The following DTNA variants were observed in gnomAD, a reference collection of about 807,000 sequenced individuals.
The protein encoded by DTNA is dystrobrevin alpha, also known as dystrophin-related protein 3.
In DTNA, 43 loss-of-function variants were observed where a neutral mutation model predicts 100.7. The observed-to-expected ratio is 0.43, with a 90% CI of 0.33 to 0.55. The LOEUF is 0.55. DTNA is among the 20% of genes least tolerant of loss of function. The probability of loss-of-function intolerance (pLI) is 0.04; values close to 1 mark genes in which losing one functional copy is unlikely to be tolerated. For synonymous variants in DTNA, 349 were observed against 347.9 expected, an observed-to-expected ratio of 1.00 and a Z score of -0.04; for missense variants, 798 against 953.9, an observed-to-expected ratio of 0.84 and a Z score of 2.15.
intron 3 of DTNA, among the ~76,000 whole-genome samples, chr18:34,786,318 C>T (rs567099682): frequency 2.5e-4 from 38 of 152,248 alleles, no homozygotes; most frequent in Middle Eastern, 3.4e-3. Flanking sequence ...ACTTCAAACC[C>T]GGTGTGTAAA....
At chr18:34,855,331 T>TA (rs1480717934) in intron 15 of DTNA, among the ~76,000 whole-genome samples, 3 of 152,152 alleles carry the variant, frequency 2.0e-5, no homozygotes, top group African/African-American at 7.2e-5. Flanking sequence ...GCTCACTAAA[T>TA]ATGCAGGTTG....
intron 2 of DTNA, among the ~76,000 whole-genome samples, chr18:34,765,670 G>A (rs760088049): frequency 1.3e-5 from 2 of 152,194 alleles, no homozygotes; most frequent in African/African-American, 4.8e-5. Flanking sequence ...TGAGCAGACT[G>A]TTTTCAGAAG....
chr18:34,886,508 T>C (rs972445172), intron 22 of DTNA, among the ~76,000 whole-genome samples: 6 of 152,364 alleles, frequency 3.9e-5, no homozygotes, highest in Admixed American at 2.0e-4. Flanking sequence ...ATTGTTGTTC[T>C]GCACATTATT....
chr18:34,800,185 C>T (rs2149144865), intron 4 of DTNA, among the ~76,000 whole-genome samples: 1 of 152,316 alleles, frequency 6.6e-6, no homozygotes, highest in Middle Eastern at 3.4e-3. Context: ...AGTTGCTTCT[C>T]ACTTGTGCAT....
intron 3 of DTNA, among the ~76,000 whole-genome samples, chr18:34,777,616 C>A (rs971100921): frequency 4.6e-5 from 7 of 152,128 alleles, no homozygotes; most frequent in Non-Finnish European, 8.8e-5. Flanking sequence ...AGGAAACTTA[C>A]AATCATGGCA....
chr18:34,581,070 C>G (rs1416216465), intron 1 of DTNA, among the ~76,000 whole-genome samples: 1 of 151,502 alleles, frequency 6.6e-6, no homozygotes, highest in Non-Finnish European at 1.5e-5. Flanking sequence ...ACGGTGAAAC[C>G]CTGTCTCTAC....
chr18:34,654,072 A>T (rs2074006469), intron 1 of DTNA, among the ~76,000 whole-genome samples: 1 of 152,178 alleles, frequency 6.6e-6, no homozygotes, highest in Non-Finnish European at 1.5e-5. Flanking sequence ...ATGACTCCTC[A>T]AGGAACTGTG....
At chr18:34,744,662 A>T (rs1051049174) in intron 1 of DTNA, among the ~76,000 whole-genome samples, 1 of 152,058 alleles carries the variant, frequency 6.6e-6, no homozygotes, top group African/African-American at 2.4e-5. Flanking sequence ...TGCAGAGGAG[A>T]TAGGCACTTT....
chr18:34,584,220 T>C (rs2048909695), intron 1 of DTNA, among the ~76,000 whole-genome samples: 1 of 152,048 alleles, frequency 6.6e-6, no homozygotes, highest in Admixed American at 6.5e-5. Flanking sequence ...TATGGTAATG[T>C]CCTGGAGCCC....
At position 34,889,144 on chromosome 18, in the gene DTNA, C is replaced by T. The variant is rs1361647682; in HGVS notation, c.*1410C>T. ...TCAAGATTTGATTTTTTTAAAAAAG[C>T]CTGCGACCTATTCAATACATTATGC... On this transcript the variant is annotated 3_prime_UTR_variant, in exon 23 of 23. Coordinates refer to ENST00000444659, the MANE Select transcript of DTNA (RefSeq NM_001386795.1). 1 of 974,298 alleles carries T rather than the reference C, an allele frequency of 1.0e-6. No homozygotes were observed. Among genetic ancestry groups the T allele is most frequent in the African/African-American group, 1.8e-5 (1 of 55,202 alleles). 60.4% of individuals were successfully genotyped at this position (974,298 alleles called of 1,614,324 possible).
At chr18:34,630,159 A>T (rs565208142) in intron 1 of DTNA, among the ~76,000 whole-genome samples, 6 of 151,942 alleles carry the variant, frequency 3.9e-5, no homozygotes, top group African/African-American at 1.4e-4. Flanking sequence ...ATTTTTTTTT[A>T]ATCACAACCC....
intron 1 of DTNA, among the ~76,000 whole-genome samples, chr18:34,716,756 T>C (rs550121160): frequency 5.9e-5 from 9 of 152,344 alleles, no homozygotes; most frequent in African/African-American, 2.2e-4. Context: ...TATGCAAATT[T>C]ATGAAATTAT....
intron 15 of DTNA, among the ~76,000 whole-genome samples, chr18:34,853,934 A>G (rs1266625775): frequency 6.6e-6 from 1 of 152,230 alleles, no homozygotes; most frequent in Admixed American, 6.5e-5. Flanking sequence ...TCAAATGAGC[A>G]AAGGCACTTT....
At position 34,575,740 on chromosome 18, in the gene DTNA, T is replaced by G. The variant is rs192639480; in HGVS notation, c.-2+82226T>G. 8.9e-4 allele frequency among the ~76,000 whole-genome samples: 136 copies of G among 152,336 alleles called. 4 individuals are homozygous for G. In the East Asian group the frequency reaches 0.019, roughly 22 times the overall value. On this transcript the variant is annotated intron_variant, in intron 1 of 19. Coordinates refer to the DTNA transcript ENST00000283365. ...TTGGGATTGGATGGATTCTGATTTA[T>G]CCTTCAAATGACTGTATTATAGCCT...
upstream of DTNA, among the ~76,000 whole-genome samples, chr18:34,709,812 A>G (rs2082567833): frequency 6.6e-6 from 1 of 152,246 alleles, no homozygotes; most frequent in Non-Finnish European, 1.5e-5. Flanking sequence ...GCTCTAGAAA[A>G]AAAGCACTTT....
chr18:34,688,260 AT>A (rs1211790987), intron 1 of DTNA, among the ~76,000 whole-genome samples: 1 of 151,960 alleles, frequency 6.6e-6, no homozygotes, highest in East Asian at 1.9e-4. Flanking sequence ...AATTTGGTTT[AT>A]TTTTGCAGTA....
chr18:34,581,062 G>A (rs1396349394), intron 1 of DTNA, among the ~76,000 whole-genome samples: 1 of 151,908 alleles, frequency 6.6e-6, no homozygotes, highest in African/African-American at 2.4e-5. Context: ...TGGCTAACAC[G>A]GTGAAACCCT....
chr18:34,602,379 C>A (rs537502545), intron 1 of DTNA, among the ~76,000 whole-genome samples: 1 of 152,168 alleles, frequency 6.6e-6, no homozygotes, highest in South Asian at 2.1e-4. Flanking sequence ...TATACCGTAT[C>A]CCTTTCTTGG....
intron 3 of DTNA, among the ~76,000 whole-genome samples, chr18:34,776,737 G>C (rs1407774527): frequency 2.0e-5 from 3 of 152,180 alleles, no homozygotes; most frequent in African/African-American, 7.2e-5. Flanking sequence ...TTCCTGCAGT[G>C]GCTCCCCACT....
Sources: gnomAD v4.1 joint callset for allele counts (sites outside exome capture counted in the v4.1 genomes callset) on GRCh38, gnomAD v4.1.1 for gene constraint, MANE v1.5 for transcripts, NCBI Gene and HGNC (gene_info 2026-07-23, HGNC 2026-07-21) for gene names.